CLUAP1: variants seen among roughly 807,000 people sequenced by gnomAD.
The protein encoded by CLUAP1 is intraflagellar transport 38.
CLUAP1 carries 50 observed loss-of-function variants against 55.0 expected under a neutral mutation model. That is an observed-to-expected ratio of 0.91 (90% CI 0.72 to 1.15). CLUAP1 has a LOEUF of 1.15. CLUAP1 is among the 50% of genes most tolerant of loss of function. The probability of loss-of-function intolerance (pLI) is 0.00; values close to 1 mark genes in which losing one functional copy is unlikely to be tolerated. For missense variants in CLUAP1, 530 were observed against 507.6 expected, an observed-to-expected ratio of 1.04 and a Z score of -0.42; for synonymous variants, 195 against 175.4, an observed-to-expected ratio of 1.11 and a Z score of -0.88.
upstream of CLUAP1, among the ~76,000 whole-genome samples, chr16:3,499,878 C>T (rs1168772390): frequency 1.3e-5 from 2 of 152,252 alleles, no homozygotes; most frequent in Non-Finnish European, 2.9e-5. Context: ...AACTTAGAGA[C>T]AGGCCAGTCT....
intron 4 of CLUAP1, among the ~76,000 whole-genome samples, chr16:3,511,086 G>T (rs1393953483): frequency 6.6e-6 from 1 of 152,190 alleles, no homozygotes; most frequent in African/African-American, 2.4e-5. Context: ...AAGAAGTTTG[G>T]GGATGTGCTG....
intron 1 of CLUAP1, among the ~76,000 whole-genome samples, chr16:3,502,527 C>G (rs78116047): frequency 6.6e-6 from 1 of 151,644 alleles, no homozygotes; most frequent in Non-Finnish European, 1.5e-5. Context: ...GTTTTCTCGT[C>G]CAATTGTTGG....
intron 3 of CLUAP1, among the ~76,000 whole-genome samples, chr16:3,508,034 G>C (rs1397315901): frequency 3.9e-5 from 6 of 152,028 alleles, no homozygotes; most frequent in African/African-American, 1.4e-4. Flanking sequence ...CCTAGAATAA[G>C]TTCTTAGATT....
At chr16:3,515,809 T>C (rs1296925654) in intron 6 of CLUAP1, among the ~76,000 whole-genome samples, 2 of 152,196 alleles carry the variant, frequency 1.3e-5, no homozygotes, top group Non-Finnish European at 2.9e-5. Flanking sequence ...TTATTAAAAA[T>C]TGATCAGTTT....
chr16:3,510,498 C>T (rs1267701426), intron 4 of CLUAP1, among the ~76,000 whole-genome samples: 1 of 152,068 alleles, frequency 6.6e-6, no homozygotes, highest in African/African-American at 2.4e-5. Context: ...GAGATTGGGG[C>T]ATATTTTGAT....
Position 3,530,580 on chromosome 16 carries a change from C to T in CLUAP1, c.941C>T (p.Ser314Leu), listed in dbSNP as rs763632511. ...RLLKSGSNDD[S>L]DIDIQEDDES... ...GTGTTCCTGCTAGGTAACGATGACT[C>T]GGACATAGACATCCAGGAGGACGAT... Residue 314 changes from serine to leucine, a missense_variant, in exon 10 of 12, where the codon TCG becomes TTG. Coordinates refer to ENST00000576634, the MANE Select transcript of CLUAP1 (RefSeq NM_015041.3). 6.8e-6 allele frequency: 11 copies of T among 1,613,632 alleles called. No individual in the cohort carries two copies. The highest frequency in any genetic ancestry group is 3.3e-5 in the South Asian group (3 of 91,048).
At chr16:3,512,620 A>G (rs2151049819) in intron 5 of CLUAP1, 142 bp downstream of exon 5, 1 of 541,530 alleles carries the variant, frequency 1.8e-6, no homozygotes. Context: ...GATAGAGGAT[A>G]TTAGCTGTCC....
chr16:3,500,273 C>T (rs1429232587), upstream of CLUAP1, among the ~76,000 whole-genome samples: 2 of 152,236 alleles, frequency 1.3e-5, no homozygotes, highest in East Asian at 1.9e-4. Context: ...TCTGGGCGCC[C>T]ACAGTGATCC....
intron 9 of CLUAP1, among the ~76,000 whole-genome samples, chr16:3,528,661 T>G (rs2037995422): frequency 6.6e-6 from 1 of 152,188 alleles, no homozygotes; most frequent in Non-Finnish European, 1.5e-5. Context: ...GCCATTCTGA[T>G]CTTGCTTTAT....
At chr16:3,515,139 C>T (rs753793919) in intron 5 of CLUAP1, among the ~76,000 whole-genome samples, 4 of 151,014 alleles carry the variant, frequency 2.6e-5, no homozygotes, top group Non-Finnish European at 4.4e-5. Flanking sequence ...GACCAAGGAA[C>T]GTGGATCACT....
At chr16:3,507,186 A>C (rs1347580654) in intron 3 of CLUAP1, among the ~76,000 whole-genome samples, 3 of 149,654 alleles carry the variant, frequency 2.0e-5, no homozygotes, top group Non-Finnish European at 4.4e-5. Flanking sequence ...ACAGAGCAAG[A>C]CTCTGTCTTA....
At chr16:3,521,431 T>C (rs1333898810) in intron 7 of CLUAP1, among the ~76,000 whole-genome samples, 1 of 151,474 alleles carries the variant, frequency 6.6e-6, no homozygotes, top group African/African-American at 2.4e-5. Context: ...ATGGTTTTTT[T>C]TGTTTTTGTT....
At chr16:3,523,127 C>T (rs976073678) in intron 7 of CLUAP1, 31 bp from the exon 8 acceptor site, 2 of 1,581,682 alleles carry the variant, frequency 1.3e-6, no homozygotes, top group African/African-American at 2.7e-5. Flanking sequence ...TATAATTCAC[C>T]TTTCCTTTTT....
At chr16:3,512,600 G>A (rs2037651334) in intron 5 of CLUAP1, 122 bp downstream of exon 5, 1 of 704,590 alleles carries the variant, frequency 1.4e-6, no homozygotes, top group Admixed American at 2.4e-5. Flanking sequence ...GAGCTAATGT[G>A]TGGAAAGGTG....
intron 6 of CLUAP1, among the ~76,000 whole-genome samples, chr16:3,517,180 A>G (rs1022047681): frequency 1.3e-5 from 2 of 150,506 alleles, no homozygotes; most frequent in African/African-American, 4.9e-5. Context: ...GCTGGAGTAC[A>G]GTGGCACAAC....
intron 5 of CLUAP1, among the ~76,000 whole-genome samples, chr16:3,515,087 C>T (rs151334047): frequency 1.8e-4 from 27 of 152,058 alleles, no homozygotes; most frequent in African/African-American, 6.5e-4. Context: ...CAAATTGGGG[C>T]TGGGCATAGT....
chr16:3,532,293 T>C (rs1008777158), intron 10 of CLUAP1, among the ~76,000 whole-genome samples: 2 of 152,082 alleles, frequency 1.3e-5, no homozygotes, highest in Non-Finnish European at 2.9e-5. Flanking sequence ...AAAGTCAAAT[T>C]CTTAGGTCAA....
In CLUAP1 at chr16:3,538,645, G is replaced by A. The variant is rs1219413249; in HGVS notation, c.*2374G>A. 1 of 152,046 alleles carries A rather than the reference G, an allele frequency of 6.6e-6. No individual in the cohort carries two copies. The highest frequency in any genetic ancestry group is 1.5e-5 in the Non-Finnish European group (1 of 68,008). The allele number at this position is 152,046 out of a possible 1,614,324, so 9.4% of individuals were successfully genotyped here. On this transcript the variant is annotated 3_prime_UTR_variant, in exon 12 of 12. Coordinates refer to ENST00000576634, the MANE Select transcript of CLUAP1 (RefSeq NM_015041.3). ...ACAGACATAGGCAACAGCTCCAAAG[G>A]GTATTTCATTGTGTCACCTGCTTCT...
chr16:3,534,533 C>G (rs910503686), intron 11 of CLUAP1: 5 of 152,352 alleles, frequency 3.3e-5, no homozygotes, highest in African/African-American at 7.2e-5. Flanking sequence ...CTGATGATCC[C>G]TGTTTGAGAG....
Sources: allele counts gnomAD v4.1 joint callset (sites outside exome capture counted in the v4.1 genomes callset), GRCh38; gene constraint gnomAD v4.1.1; transcripts MANE v1.5; gene names NCBI Gene and HGNC (gene_info 2026-07-23, HGNC 2026-07-21).